The following GTF2E1 variants were observed in gnomAD, a reference collection of about 807,000 sequenced individuals.
GTF2E1 encodes the protein TFIIE alpha subunit.
In GTF2E1, 14 loss-of-function variants were observed where a neutral mutation model predicts 34.9. That is an observed-to-expected ratio of 0.40 (90% confidence interval 0.27 to 0.63). The LOEUF (loss-of-function observed/expected upper bound fraction) is 0.63. GTF2E1 is among the 20% of genes least tolerant of loss of function. GTF2E1 has a pLI of 0.39. For synonymous variants in GTF2E1, 188 were observed against 192.9 expected (o/e 0.97, Z 0.21); for missense variants, 469 against 557.7 (o/e 0.84, Z 1.60).
Position 120,750,849 on chromosome 3 carries a change from T to C in GTF2E1, c.297T>C (p.Leu99=). Residue 99 remains leucine, a synonymous_variant, in exon 2 of 5, where the codon CTT becomes CTC. Transcript: ENST00000283875. ...ACTACTTCATCAATTATCGTACTCT[T>C]GTTAATGTGGTAAAATATAAACTGG... ...HNYYFINYRT[L]VNVVKYKLDH... 3 of 1,614,006 alleles carry C rather than the reference T, an allele frequency of 1.9e-6. No individual in the cohort carries two copies. Among genetic ancestry groups the C allele is most frequent in the Non-Finnish European group, 2.5e-6 (3 of 1,179,928 alleles).
intron 2 of GTF2E1, among the ~76,000 whole-genome samples, chr3:120,758,078 T>G (rs1406507249): frequency 6.6e-6 from 1 of 152,180 alleles, no homozygotes; most frequent in African/African-American, 2.4e-5. Context: ...AAGGATTACT[T>G]GAACCTCGGA....
rs564273804 is a variant in GTF2E1 at position 120,749,313 on chromosome 3, G to A, written c.-30-1210G>A. ...ATGTTGAATAGGAGTGGTAAGAGAG[G>A]GCATCCCTGTCTTGTGCCAGTTTTC... is the stretch of plus-strand genomic sequence containing the variant. On this transcript the variant is annotated intron_variant, in intron 1 of 4. Coordinates refer to ENST00000283875, the MANE Select transcript of GTF2E1 (RefSeq NM_005513.3). Among the ~76,000 whole-genome samples, 19 of 152,214 alleles carry A rather than the reference G, an allele frequency of 1.2e-4. No homozygotes were observed. In the South Asian group the frequency reaches 3.7e-3, roughly 30 times the overall value.
intron 2 of GTF2E1, among the ~76,000 whole-genome samples, chr3:120,758,552 C>G (rs1709230048): frequency 6.6e-6 from 1 of 150,406 alleles, no homozygotes; most frequent in African/African-American, 2.4e-5. Context: ...GGTATTTCTC[C>G]TACTGCTAAT....
rs1709167426 is a variant in GTF2E1, at chr3:120,751,886, T to G, written c.448+886T>G. On this transcript the variant is annotated intron_variant, in intron 2 of 4. Transcript: ENST00000283875. The stretch of plus-strand genomic sequence containing the variant: ...GCTACTTTTTAGTTCATAGATCTGC[T>G]TTTTTAAAAACTTCGTCTGAAAGTT... Among the ~76,000 whole-genome samples, 5 of 152,284 alleles carry G rather than the reference T, an allele frequency of 3.3e-5. No individual in the cohort carries two copies. The South Asian group carries it at 1.0e-3, about 32-fold the overall frequency.
intron 1 of GTF2E1, among the ~76,000 whole-genome samples, 163 bp from the exon 2 acceptor site, chr3:120,750,360 T>C (rs1164501765): frequency 6.6e-6 from 1 of 152,184 alleles, no homozygotes; most frequent in Admixed American, 6.5e-5. Context: ...TTGGGTGTAA[T>C]CTTTTGTGCA....
chr3:120,763,085 A>AT (rs1457461301), intron 2 of GTF2E1, among the ~76,000 whole-genome samples: 2 of 152,054 alleles, frequency 1.3e-5, no homozygotes, highest in African/African-American at 4.8e-5. Context: ...AAGCAGTCTT[A>AT]TTTTTCCAAG....
intron 4 of GTF2E1, among the ~76,000 whole-genome samples, chr3:120,778,478 G>A (rs1197156356): frequency 6.6e-6 from 1 of 152,152 alleles, no homozygotes; most frequent in Non-Finnish European, 1.5e-5. Context: ...CTTCAATCAT[G>A]TTCTCATTAC....
intron 3 of GTF2E1, 135 bp from the exon 4 acceptor site, chr3:120,776,288 T>TA: frequency 1.3e-6 from 1 of 756,008 alleles, no homozygotes; most frequent in East Asian, 2.5e-5. Flanking sequence ...TTGGAATTGT[T>TA]AAAGCATGTG....
At chr3:120,743,479 T>A (rs891127821) in intron 1 of GTF2E1, among the ~76,000 whole-genome samples, 1 of 152,036 alleles carries the variant, frequency 6.6e-6, no homozygotes. Context: ...AGGAGACATA[T>A]GGAAAGTTTT....
intron 1 of GTF2E1, among the ~76,000 whole-genome samples, chr3:120,747,020 G>A (rs1709111792): frequency 6.6e-6 from 1 of 151,754 alleles, no homozygotes; most frequent in Non-Finnish European, 1.5e-5. Flanking sequence ...ATTGTTTAAG[G>A]GATTTGCTCA....
intron 2 of GTF2E1, among the ~76,000 whole-genome samples, chr3:120,760,684 G>T (rs909371624): frequency 1.3e-5 from 2 of 152,060 alleles, no homozygotes; most frequent in African/African-American, 4.8e-5. Flanking sequence ...TGAGATAATC[G>T]TGTGCTTTTT....
rs748033794 is a variant in GTF2E1 at position 120,750,901 on chromosome 3, G to A, written c.349G>A (p.Asp117Asn). Residue 117 changes from aspartate to asparagine, a missense_variant, in exon 2 of 5, where the codon GAT (aspartate) becomes AAT (asparagine). Coordinates refer to ENST00000283875, the MANE Select transcript of GTF2E1 (RefSeq NM_005513.3). ...LDHMRRRIET[D>N]ERDSTNRASF... ...CCACATGAGAAGAAGAATTGAGACC[G>A]ATGAGAGAGATTCGACCAACCGGGC... 8 of 1,613,702 alleles carry A rather than the reference G, an allele frequency of 5.0e-6. No homozygotes were observed. Among genetic ancestry groups the A allele is most frequent in the Non-Finnish European group, 6.8e-6 (8 of 1,179,756 alleles).
chr3:120,764,275 T>C (rs996033748), intron 2 of GTF2E1, among the ~76,000 whole-genome samples: 1 of 152,134 alleles, frequency 6.6e-6, no homozygotes, highest in Non-Finnish European at 1.5e-5. Context: ...GTGAGGGCCA[T>C]GAAAGTAGCT....
chr3:120,759,381 TGTAG>T (rs1245025196), intron 2 of GTF2E1, among the ~76,000 whole-genome samples: 1 of 152,210 alleles, frequency 6.6e-6, no homozygotes, highest in African/African-American at 2.4e-5. Flanking sequence ...TCTCCCATTC[TGTAG>T]GTTGCCTGTT....
chr3:120,771,394 C>CTTTGGTGTTATA (rs1709350562), intron 3 of GTF2E1, among the ~76,000 whole-genome samples: 1 of 152,066 alleles, frequency 6.6e-6, no homozygotes, highest in Admixed American at 6.6e-5. Flanking sequence ...GCTGGTGTTA[C>CTTTGGTGTTATA]CTATGGGTTA....
chr3:120,744,254 G>A (rs919715196), intron 1 of GTF2E1, among the ~76,000 whole-genome samples: 4 of 152,196 alleles, frequency 2.6e-5, no homozygotes, highest in Admixed American at 2.0e-4. Context: ...GTGGGGGGCT[G>A]CCAGTTTGAG....
At position 120,742,785 on chromosome 3, in the gene GTF2E1, A is replaced by T. The variant is rs565948706; in HGVS notation, c.-40A>T. The T allele has an allele frequency of 5.0e-5, 25 of 501,372 alleles. No individual in the cohort carries two copies. In the South Asian group the frequency reaches 5.3e-4, roughly 11 times the overall value. 31.1% of individuals were successfully genotyped at this position (501,372 alleles called of 1,614,324 possible). ...GCAGCTGTAGTGGGAGTGTTCCAGG[A>T]TTCGCCTTGGTAAACCTTGTTCCCT... is the stretch of plus-strand genomic sequence containing the variant. On this transcript the variant is annotated 5_prime_UTR_variant, in exon 1 of 5. Transcript: ENST00000283875.
At chr3:120,752,827 A>G (rs1709176957) in intron 2 of GTF2E1, among the ~76,000 whole-genome samples, 1 of 152,228 alleles carries the variant, frequency 6.6e-6, no homozygotes, top group Non-Finnish European at 1.5e-5. Context: ...CAGCATGAAG[A>G]TGAAAAGAAG....
Position 120,781,480 on chromosome 3 carries a change from A to G in GTF2E1, c.*10A>G. On this transcript the variant is annotated 3_prime_UTR_variant, in exon 5 of 5. Coordinates refer to ENST00000283875, the MANE Select transcript of GTF2E1 (RefSeq NM_005513.3). ...GGACCTCTTTGAGTGAGCTTTCCCT[A>G]ATTCTTTCTCCTTTCTCTAATGCTC... The G allele has an allele frequency of 1.3e-6, 2 of 1,598,400 alleles. No individual in the cohort carries two copies. The highest frequency in any genetic ancestry group is 8.6e-7 in the Non-Finnish European group (1 of 1,166,648).
Sources: allele counts gnomAD v4.1 joint callset (sites outside exome capture counted in the v4.1 genomes callset), GRCh38; gene constraint gnomAD v4.1.1; transcripts MANE v1.5; gene names NCBI Gene and HGNC (gene_info 2026-07-23, HGNC 2026-07-21).